Variants in TSNARE1 observed in about 807,000 individuals in gnomAD.
The protein encoded by TSNARE1 is t-SNARE domain-containing protein 1.
A neutral mutation model predicts 62.0 loss-of-function variants in TSNARE1; 49 were observed. The ratio of observed to expected loss-of-function variants is 0.79; its 90% CI spans 0.63 to 1.00. The LOEUF (loss-of-function observed/expected upper bound fraction) is 1.00. Ranked by LOEUF, TSNARE1 falls within the 50% of genes least tolerant of loss-of-function variation. TSNARE1 has a pLI of 0.00. For synonymous variants in TSNARE1, 328 were observed against 294.4 expected, an observed-to-expected ratio of 1.11 and a Z score of -1.17; for missense variants, 755 against 700.1, an observed-to-expected ratio of 1.08 and a Z score of -0.88.
At chr8:142,298,601 G>A (rs889360662) in intron 10 of TSNARE1, among the ~76,000 whole-genome samples, 3 of 152,136 alleles carry the variant, frequency 2.0e-5, no homozygotes, top group East Asian at 1.9e-4. Flanking sequence ...GCCCTCTAAC[G>A]GCCTCCTCAT....
intron 12 of TSNARE1, among the ~76,000 whole-genome samples, chr8:142,239,386 A>G (rs995088605): frequency 5.9e-5 from 9 of 152,212 alleles, no homozygotes; most frequent in Admixed American, 1.3e-4. Flanking sequence ...TAACAATAGC[A>G]TGGAAGTTGG....
intron 6 of TSNARE1, among the ~76,000 whole-genome samples, chr8:142,322,909 T>C (rs991637114): frequency 6.6e-6 from 1 of 150,676 alleles, no homozygotes; most frequent in South Asian, 2.1e-4. Context: ...GACGTGTCCA[T>C]GGGCTGGATG....
intron 12 of TSNARE1, among the ~76,000 whole-genome samples, chr8:142,259,007 A>G (rs971345809): frequency 1.4e-4 from 22 of 152,182 alleles, no homozygotes; most frequent in Non-Finnish European, 2.8e-4. Flanking sequence ...ACCGCTTTGC[A>G]CGGTCCGGCA....
At chr8:142,294,026 G>T (rs1796924900) in intron 10 of TSNARE1, among the ~76,000 whole-genome samples, 1 of 152,156 alleles carries the variant, frequency 6.6e-6, no homozygotes, top group Admixed American at 6.5e-5. Flanking sequence ...CTGGGACAGG[G>T]GCAGGGGCAG....
At chr8:142,367,214 GT>G (rs1484229366) in intron 1 of TSNARE1, among the ~76,000 whole-genome samples, 5 of 152,204 alleles carry the variant, frequency 3.3e-5, no homozygotes, top group Admixed American at 2.6e-4. Flanking sequence ...ACCATCATGC[GT>G]TTTTATGGAG....
chr8:142,328,333 G>A (rs1479393282), intron 6 of TSNARE1, among the ~76,000 whole-genome samples: 1 of 152,180 alleles, frequency 6.6e-6, no homozygotes, highest in Admixed American at 6.5e-5. Flanking sequence ...CCAGCTCACA[G>A]CCTACGTGCC....
chr8:142,227,783 G>C (rs1816910623), intron 13 of TSNARE1, among the ~76,000 whole-genome samples: 1 of 152,384 alleles, frequency 6.6e-6, no homozygotes, highest in South Asian at 2.1e-4. Context: ...AGTCCATGCT[G>C]TCCTGGCCAT....
At chr8:142,216,652 C>G (rs972773264) in intron 13 of TSNARE1, among the ~76,000 whole-genome samples, 1 of 152,154 alleles carries the variant, frequency 6.6e-6, no homozygotes, top group Non-Finnish European at 1.5e-5. Flanking sequence ...TCCTCTCCCT[C>G]CTGCCTGAGA....
intron 10 of TSNARE1, among the ~76,000 whole-genome samples, chr8:142,289,211 G>C (rs1453802599): frequency 4.6e-5 from 7 of 152,360 alleles, no homozygotes; most frequent in African/African-American, 1.7e-4. Flanking sequence ...GGCAAAGCCT[G>C]AACAGCAGCT....
At chr8:142,404,595 G>A (rs929179068), upstream of TSNARE1, 1 of 152,360 alleles carries the variant, frequency 6.6e-6, no homozygotes, top group African/African-American at 2.4e-5. Flanking sequence ...GGAGGCAGTA[G>A]TGTGTGCCTG....
chr8:142,350,428 C>A (rs55744927), intron 2 of TSNARE1, among the ~76,000 whole-genome samples: 1 of 152,060 alleles, frequency 6.6e-6, no homozygotes, highest in Non-Finnish European at 1.5e-5. Flanking sequence ...GCCTGAATAA[C>A]GTTTGACAAC....
At chr8:142,357,547 C>T (rs914904432) in intron 1 of TSNARE1, among the ~76,000 whole-genome samples, 2 of 152,004 alleles carry the variant, frequency 1.3e-5, no homozygotes, top group Admixed American at 6.6e-5. Context: ...AACCAGGGCC[C>T]GGGAGGGAGG....
At chr8:142,275,651 T>C in intron 11 of TSNARE1, 1 of 985,430 alleles carries the variant, frequency 1.0e-6, no homozygotes, top group South Asian at 4.7e-5. Context: ...GGGCAAGCCT[T>C]CTTCCCGGAG....
intron 1 of TSNARE1, among the ~76,000 whole-genome samples, chr8:142,392,345 G>A (rs1387641532): frequency 2.6e-5 from 4 of 152,032 alleles, no homozygotes; most frequent in South Asian, 2.1e-4. Context: ...TAAGTAAAAG[G>A]AGTACACTCT....
In TSNARE1 at chr8:142,370,122, C is replaced by T. The variant is rs931808777; in HGVS notation, c.-39-15359G>A. The stretch of plus-strand genomic sequence containing the variant: ...ACAGATAGAAGGCCCCATCTAGGAA[C>T]TAGGACATAGGCCATCACAGGACAC... On this transcript the variant is annotated intron_variant, in intron 1 of 13. Coordinates refer to ENST00000524325, the MANE Select transcript of TSNARE1 (RefSeq NM_145003.5). Among the ~76,000 whole-genome samples the T allele has an allele frequency of 2.6e-5, 4 of 152,376 alleles. No homozygotes were observed. The East Asian group carries it at 7.7e-4, about 29-fold the overall frequency.
At position 142,265,549 on chromosome 8, in the gene TSNARE1, T is replaced by C. The variant is rs930013523; in HGVS notation, c.1446+9232A>G. On this transcript the variant is annotated intron_variant, in intron 12 of 13. Coordinates refer to ENST00000524325, the MANE Select transcript of TSNARE1 (RefSeq NM_145003.5). Reference sequence around the variant, plus strand: ...GGGGCCATGGCAGATAAAGACACGATGAACATCTGTGTGCAAGTGTTGGTG... The same window carrying C: ...GGGGCCATGGCAGATAAAGACACGACGAACATCTGTGTGCAAGTGTTGGTG... 3.9e-5 allele frequency among the ~76,000 whole-genome samples: 6 copies of C among 152,242 alleles called. No individual in the cohort carries two copies. In the East Asian group the frequency reaches 1.2e-3, roughly 29 times the overall value.
At chr8:142,255,241 G>C (rs1818366618) in intron 12 of TSNARE1, among the ~76,000 whole-genome samples, 1 of 151,914 alleles carries the variant, frequency 6.6e-6, no homozygotes, top group Non-Finnish European at 1.5e-5. Flanking sequence ...GCAGTGCCTA[G>C]TATGGAGGAC....
chr8:142,306,333 C>G (rs1826660241), intron 9 of TSNARE1, among the ~76,000 whole-genome samples: 1 of 152,232 alleles, frequency 6.6e-6, no homozygotes, highest in Admixed American at 6.5e-5. Flanking sequence ...GTCTTCACTT[C>G]TGCAGCCCGG....
At chr8:142,282,290 C>T (rs1449163197) in intron 11 of TSNARE1, among the ~76,000 whole-genome samples, 1 of 152,250 alleles carries the variant, frequency 6.6e-6, no homozygotes, top group Non-Finnish European at 1.5e-5. Flanking sequence ...ACAACCCTAT[C>T]CACCCCAGAA....
Sources: gnomAD v4.1 joint callset for allele counts (sites outside exome capture counted in the v4.1 genomes callset) on GRCh38, gnomAD v4.1.1 for gene constraint, MANE v1.5 for transcripts, NCBI Gene and HGNC (gene_info 2026-07-23, HGNC 2026-07-21) for gene names.